The following RFX7 variants were observed in gnomAD, a reference collection of about 807,000 sequenced individuals.
The protein encoded by RFX7 is DNA-binding protein RFX7.
In RFX7, 26 loss-of-function variants were observed where a neutral mutation model predicts 111.8. The ratio of observed to expected loss-of-function variants is 0.23; its 90% CI spans 0.17 to 0.32. The LOEUF (loss-of-function observed/expected upper bound fraction) is 0.32. Ranked by LOEUF, RFX7 falls within the 10% of genes least tolerant of loss-of-function variation. RFX7 has a pLI of 1.00. For synonymous variants in RFX7, 624 were observed against 624.4 expected (o/e 1.00, Z 0.01); for missense variants, 1,573 against 1,772.9 (o/e 0.89, Z 2.02).
intron 5 of RFX7, among the ~76,000 whole-genome samples, chr15:56,109,281 C>T (rs1166310753): frequency 5.3e-5 from 8 of 152,256 alleles, no homozygotes; most frequent in Non-Finnish European, 1.0e-4. Context: ...CTCCTAACCG[C>T]GAGTGATCCG....
At chr15:56,102,943 T>G (rs2041776970) in intron 6 of RFX7, among the ~76,000 whole-genome samples, 1 of 152,180 alleles carries the variant, frequency 6.6e-6, no homozygotes, top group Non-Finnish European at 1.5e-5. Context: ...AATCTTCTTC[T>G]AAGAGGAGAA....
chr15:56,171,249 T>G (rs1202569546), intron 3 of RFX7, among the ~76,000 whole-genome samples: 2 of 152,098 alleles, frequency 1.3e-5, no homozygotes, highest in African/African-American at 4.8e-5. Context: ...TGAGTACCAT[T>G]CACTAAGATA....
intron 2 of RFX7, among the ~76,000 whole-genome samples, chr15:56,180,602 C>T (rs2042958716): frequency 6.6e-6 from 1 of 151,990 alleles, no homozygotes. Flanking sequence ...CTCTCATCAC[C>T]TTGGTCTAAA....
At chr15:56,128,525 T>C (rs1364920024) in intron 5 of RFX7, among the ~76,000 whole-genome samples, 2 of 152,112 alleles carry the variant, frequency 1.3e-5, no homozygotes, top group Non-Finnish European at 2.9e-5. Context: ...TTGACAGATA[T>C]CCAACAAACT....
At chr15:56,123,964 T>C (rs1271401673) in intron 5 of RFX7, among the ~76,000 whole-genome samples, 4 of 152,196 alleles carry the variant, frequency 2.6e-5, no homozygotes, top group Non-Finnish European at 4.4e-5. Context: ...TTGTACCTTC[T>C]TCAGTGTCTC....
intron 2 of RFX7, among the ~76,000 whole-genome samples, chr15:56,204,439 G>C (rs980164132): frequency 6.6e-6 from 1 of 152,104 alleles, no homozygotes; most frequent in African/African-American, 2.4e-5. Context: ...GGATCATCTT[G>C]AGAAACTATT....
chr15:56,097,746 CA>C (rs67718449), intron 9 of RFX7, among the ~76,000 whole-genome samples: 744 of 47,204 alleles, frequency 0.016, 1 homozygote, highest in African/African-American at 0.044. Context: ...GACTCTGTCT[CA>C]AAAAAAAAAA....
At chr15:56,136,157 G>T (rs1268615559) in intron 5 of RFX7, among the ~76,000 whole-genome samples, 68 of 151,656 alleles carry the variant, frequency 4.5e-4, no homozygotes, top group East Asian at 1.9e-4. Flanking sequence ...GTGAAGAAAG[G>T]CATTGGTAGC....
chr15:56,184,193 ATTTTTTTTTTT>A (rs35880948), intron 2 of RFX7, among the ~76,000 whole-genome samples: 3 of 80,734 alleles, frequency 3.7e-5, no homozygotes, highest in African/African-American at 1.5e-4. Context: ...CTAATTTTGT[ATTTTTTTTTTT>A]TTTTTTTTTT....
At chr15:56,140,144 C>A (rs1424831317) in intron 5 of RFX7, among the ~76,000 whole-genome samples, 1 of 152,190 alleles carries the variant, frequency 6.6e-6, no homozygotes, top group Non-Finnish European at 1.5e-5. Flanking sequence ...TGGGCTCCGC[C>A]CAGTTGGAGC....
intron 5 of RFX7, among the ~76,000 whole-genome samples, chr15:56,126,584 G>T (rs1372364548): frequency 6.6e-6 from 1 of 151,968 alleles, no homozygotes; most frequent in Non-Finnish European, 1.5e-5. Flanking sequence ...AAATGTAAAT[G>T]GATTAAATTC....
intron 2 of RFX7, among the ~76,000 whole-genome samples, chr15:56,214,084 CA>C (rs1158200743): frequency 2.6e-5 from 4 of 152,150 alleles, no homozygotes; most frequent in African/African-American, 4.8e-5. Flanking sequence ...TTTCTAGGCT[CA>C]ATTCTTTTCC....
intron 6 of RFX7, among the ~76,000 whole-genome samples, chr15:56,103,154 G>A (rs1384814110): frequency 9.3e-5 from 2 of 21,460 alleles, no homozygotes; most frequent in African/African-American, 3.4e-4. Context: ...TTTTTTTTTT[G>A]CCAAGGAGAT....
At chr15:56,122,452 TCA>T (rs1382175704) in intron 5 of RFX7, among the ~76,000 whole-genome samples, 1 of 152,174 alleles carries the variant, frequency 6.6e-6, no homozygotes, top group Non-Finnish European at 1.5e-5. Flanking sequence ...CCTGTGACCA[TCA>T]CTACTGGGTC....
chr15:56,217,895 T>A (rs1408331794), intron 2 of RFX7, among the ~76,000 whole-genome samples: 1 of 152,104 alleles, frequency 6.6e-6, no homozygotes, highest in East Asian at 1.9e-4. Context: ...GTTCTCCACC[T>A]GGGAGACTGG....
At chr15:56,212,524 A>G (rs1408490014) in intron 2 of RFX7, among the ~76,000 whole-genome samples, 1 of 152,162 alleles carries the variant, frequency 6.6e-6, no homozygotes, top group African/African-American at 2.4e-5. Flanking sequence ...TACTGTGTCA[A>G]TGAAGGTAAA....
At chr15:56,171,319 T>C (rs933153444) in intron 3 of RFX7, among the ~76,000 whole-genome samples, 10 of 152,184 alleles carry the variant, frequency 6.6e-5, no homozygotes, top group Non-Finnish European at 7.4e-5. Context: ...CCCTGGAAAT[T>C]TGCATGGCAT....
At chr15:56,160,134 C>T (rs752809869) in intron 3 of RFX7, among the ~76,000 whole-genome samples, 1 of 152,092 alleles carries the variant, frequency 6.6e-6, no homozygotes, top group Non-Finnish European at 1.5e-5. Context: ...ATTAGTACTT[C>T]ACTGAGGAGC....
At chr15:56,169,845 CA>C (rs535406708) in intron 3 of RFX7, among the ~76,000 whole-genome samples, 44 of 148,968 alleles carry the variant, frequency 3.0e-4, no homozygotes, top group African/African-American at 9.4e-4. Flanking sequence ...TATCTTTTAA[CA>C]GGTGAGTATG....
Sources: gnomAD v4.1 joint callset for allele counts (sites outside exome capture counted in the v4.1 genomes callset) on GRCh38, gnomAD v4.1.1 for gene constraint, MANE v1.5 for transcripts, NCBI Gene and HGNC (gene_info 2026-07-23, HGNC 2026-07-21) for gene names.